The following LNX1 variants were observed in gnomAD, a reference collection of about 807,000 sequenced individuals.
LNX1 encodes the protein ligand of numb-protein X 1, also known as E3 ubiquitin-protein ligase LNX.
A neutral mutation model predicts 68.4 loss-of-function variants in LNX1; 54 were observed. The observed-to-expected ratio is 0.79, with a 90% CI of 0.63 to 0.99. LNX1 has a LOEUF of 0.99. Among genes scored for constraint, LNX1 ranks in the 50% least tolerant of loss-of-function variants. The pLI is 0.00. For missense variants in LNX1, 906 were observed against 926.4 expected, an observed-to-expected ratio of 0.98 and a Z score of 0.29; for synonymous variants, 336 against 350.0, an observed-to-expected ratio of 0.96 and a Z score of 0.45.
intron 6 of LNX1, among the ~76,000 whole-genome samples, chr4:53,482,258 A>G (rs1433056130): frequency 6.6e-6 from 1 of 152,222 alleles, no homozygotes; most frequent in African/African-American, 2.4e-5. Flanking sequence ...GGTACACAGT[A>G]AAGAAAAAGA....
chr4:53,515,272 G>A (rs1488481180), intron 2 of LNX1, among the ~76,000 whole-genome samples: 11 of 152,146 alleles, frequency 7.2e-5, no homozygotes, highest in South Asian at 2.1e-4. Context: ...GGTTAGCTGC[G>A]GGCAAGTTGT....
At chr4:53,594,383 C>T (rs1483769272), upstream of LNX1, among the ~76,000 whole-genome samples, 1 of 152,052 alleles carries the variant, frequency 6.6e-6, no homozygotes, top group Non-Finnish European at 1.5e-5. Flanking sequence ...CGGCCTATCA[C>T]TTTAAAATCT....
At chr4:53,476,633 C>A in intron 9 of LNX1, 120 bp downstream of exon 9, 1 of 848,120 alleles carries the variant, frequency 1.2e-6, no homozygotes, top group South Asian at 1.5e-5. Context: ...GTCCCACAAC[C>A]AAGACTGGGT....
At position 53,574,063 on chromosome 4, in the gene LNX1, T is replaced by G; in HGVS notation, c.-61A>C. The G allele has an allele frequency of 6.5e-7, 1 of 1,546,896 alleles. No homozygotes were observed. On this transcript the variant is annotated 5_prime_UTR_variant, in exon 2 of 11. The change abolishes the stop of an existing upstream ORF in the 5' untranslated region. Transcript: ENST00000263925. ...CACACAATATTTCCTCAGGAGCAAG[T>G]CAAGATCTAGGAGACATCCACACAC...
chr4:53,630,780 G>A (rs1366371602), intron 1 of LNX1, among the ~76,000 whole-genome samples: 1 of 152,244 alleles, frequency 6.6e-6, no homozygotes, highest in Non-Finnish European at 1.5e-5. Context: ...AGGATCATAG[G>A]AAGCTAACGT....
rs534406231 is a variant in LNX1, at chr4:53,560,902, C to T, written c.380+12721G>A. ...TTAATACAATCCCTTGGGGCTAAAA[C>T]CCAACCTCAAATGAACAGAGATTGC... On this transcript the variant is annotated intron_variant, in intron 2 of 10. Coordinates refer to ENST00000263925, the MANE Select transcript of LNX1 (RefSeq NM_001126328.3). Among the ~76,000 whole-genome samples the T allele has an allele frequency of 2.6e-5, 4 of 152,312 alleles. No homozygotes were observed. The East Asian group carries it at 7.7e-4, about 29-fold the overall frequency.
At chr4:53,512,048 A>G (rs1726383691) in intron 2 of LNX1, among the ~76,000 whole-genome samples, 1 of 152,130 alleles carries the variant, frequency 6.6e-6, no homozygotes, top group Admixed American at 6.5e-5. Flanking sequence ...GGGTTCATTA[A>G]TTGTCCAGTC....
chr4:53,651,360 A>T (rs1242816791), intron 1 of LNX1, among the ~76,000 whole-genome samples: 1 of 152,178 alleles, frequency 6.6e-6, no homozygotes, highest in Non-Finnish European at 1.5e-5. Flanking sequence ...CTGACACATG[A>T]CCAGTCAGTG....
At chr4:53,527,157 T>C (rs754110400) in intron 2 of LNX1, among the ~76,000 whole-genome samples, 1 of 151,870 alleles carries the variant, frequency 6.6e-6, no homozygotes, top group Non-Finnish European at 1.5e-5. Context: ...AAATATTCAG[T>C]TTTCTGTTCT....
intron 8 of LNX1, 71 bp from the exon 9 acceptor site, chr4:53,477,052 G>T: frequency 7.7e-7 from 1 of 1,296,108 alleles, no homozygotes; most frequent in Non-Finnish European, 1.1e-6. Context: ...AAGTGCAAGG[G>T]GATAGGGGCT....
intron 2 of LNX1, among the ~76,000 whole-genome samples, chr4:53,564,205 T>TG (rs1730484254): frequency 6.6e-6 from 1 of 152,190 alleles, no homozygotes; most frequent in Admixed American, 6.5e-5. Context: ...TTGAGGTGTG[T>TG]GGGGGTCACA....
chr4:53,629,913 A>G (rs763056460), intron 1 of LNX1, among the ~76,000 whole-genome samples: 1 of 152,170 alleles, frequency 6.6e-6, no homozygotes, highest in Non-Finnish European at 1.5e-5. Flanking sequence ...TAAAGACAAC[A>G]ATACATCAAT....
At chr4:53,602,793 GAA>G (rs1270278297) in intron 2 of LNX1, 1 of 152,148 alleles carries the variant, frequency 6.6e-6, no homozygotes, top group African/African-American at 2.4e-5. Flanking sequence ...GAAGGAAACA[GAA>G]AGTCTGTACA....
At position 53,496,353 on chromosome 4, in the gene LNX1, A is replaced by T. The variant is rs764204870; in HGVS notation, c.1020T>A (p.Ala340=). 1.9e-6 allele frequency: 3 copies of T among 1,613,894 alleles called. No homozygotes were observed. The South Asian group carries it at 3.3e-5, about 18-fold the overall frequency. The change falls in exon 6 of 11, where the codon GCT becomes GCA. Residue 340 remains alanine (A), a synonymous_variant. Transcript: ENST00000263925. ...MDISNVPHNY[A]VRLLRQPCQV... is the part of the protein sequence containing the mutation. ...GGCAGGGCTGCCGCAGGAGACGCACAGCGTAGTTGTGAGGGACATTGCTGA... is the reference window on the plus strand; with the variant it reads ...GGCAGGGCTGCCGCAGGAGACGCACTGCGTAGTTGTGAGGGACATTGCTGA...
At chr4:53,506,894 C>A (rs1399642173) in intron 4 of LNX1, among the ~76,000 whole-genome samples, 4 of 113,612 alleles carry the variant, frequency 3.5e-5, no homozygotes, top group African/African-American at 1.3e-4. Flanking sequence ...ATAGTAGCTA[C>A]CTCATAGGGT....
chr4:53,516,249 T>A (rs1372621346), intron 2 of LNX1, among the ~76,000 whole-genome samples: 1 of 151,982 alleles, frequency 6.6e-6, no homozygotes, highest in Non-Finnish European at 1.5e-5. Context: ...CTATCTCTTT[T>A]AAAAAAAGAA....
intron 2 of LNX1, among the ~76,000 whole-genome samples, chr4:53,517,106 C>G (rs998779393): frequency 1.3e-5 from 2 of 152,138 alleles, no homozygotes; most frequent in African/African-American, 4.8e-5. Flanking sequence ...CACTGGCGGA[C>G]AGGGTCTGGC....
chr4:53,650,066 A>G (rs112482437), intron 1 of LNX1, among the ~76,000 whole-genome samples: 1,711 of 152,314 alleles, frequency 0.011, 32 homozygotes, highest in African/African-American at 0.036. Flanking sequence ...ACATCCATAT[A>G]GATGAGCAGA....
intron 2 of LNX1, among the ~76,000 whole-genome samples, chr4:53,558,933 C>T (rs1404806708): frequency 6.6e-6 from 1 of 152,196 alleles, no homozygotes; most frequent in Non-Finnish European, 1.5e-5. Flanking sequence ...TCACCGGCCT[C>T]AACACTAAGA....
Sources: allele counts gnomAD v4.1 joint callset (sites outside exome capture counted in the v4.1 genomes callset), GRCh38; gene constraint gnomAD v4.1.1; transcripts MANE v1.5; gene names NCBI Gene and HGNC (gene_info 2026-07-23, HGNC 2026-07-21).